The following KIFC2 variants were observed in gnomAD, a reference collection of about 807,000 sequenced individuals.
The protein encoded by KIFC2 is kinesin family member C2.
In KIFC2, 94 loss-of-function variants were observed where a neutral mutation model predicts 91.5. The ratio of observed to expected loss-of-function variants is 1.03; its 90% CI spans 0.87 to 1.22. The LOEUF (loss-of-function observed/expected upper bound fraction) is 1.22, where lower values mean the gene tolerates loss of function less well. Ranked by LOEUF, KIFC2 falls within the 50% of genes most tolerant of loss-of-function variation. The pLI is 0.00. For synonymous variants in KIFC2, 729 were observed against 503.9 expected, an observed-to-expected ratio of 1.45 and a Z score of -5.98; for missense variants, 1,357 against 1,103.3, an observed-to-expected ratio of 1.23 and a Z score of -3.26.
Position 144,467,094 on chromosome 8 carries a change from C to T in KIFC2, c.314C>T (p.Pro105Leu), listed in dbSNP as rs553351396. 2.5e-6 allele frequency: 4 copies of T among 1,599,222 alleles called. No homozygotes were observed. The highest frequency in any genetic ancestry group is 3.4e-6 in the Non-Finnish European group (4 of 1,173,028). Residue 105 changes from proline to leucine, a missense_variant, in exon 3 of 18, where the codon CCG becomes CTG. By Grantham distance (98) the Pro-to-Leu change is moderately conservative. Coordinates refer to ENST00000645548, the MANE Select transcript of KIFC2 (RefSeq NM_001369769.2). The part of the protein sequence containing the change: ...QLGAEESCGG[P>L]ADLGQSGEVP... ...GGGGCGGAAGAGAGCTGCGGGGGCC[C>T]GGCGGACCTGGGCCAGGTGAGCGCG...
chr8:144,468,657 G>T lies in KIFC2; in HGVS notation c.1003+7G>T, dbSNP rs560910604. ...ATGCATGGGCAGCTGGCAGGTAAGG[G>T]TTGGGGTTGGGGCTCATGGGAGGCC... On this transcript the variant is annotated splice_region_variant and intron_variant, in intron 9 of 17. Transcript: ENST00000645548. The T allele has an allele frequency of 6.2e-7, 1 of 1,613,448 alleles. No homozygotes were observed. Among genetic ancestry groups the T allele is most frequent in the South Asian group, 1.1e-5 (1 of 91,056 alleles).
chr8:144,469,777 G>A (rs1824853921), intron 12 of KIFC2, 130 bp downstream of exon 12: 5 of 1,176,216 alleles, frequency 4.3e-6, no homozygotes, highest in Non-Finnish European at 5.8e-6. Context: ...CTCTAGCCAG[G>A]AAGGAAAGGG....
At position 144,467,469 on chromosome 8, in the gene KIFC2, G is replaced by A; in HGVS notation, c.470-16G>A. 6.4e-7 allele frequency: 1 copy of A among 1,551,488 alleles called. No individual in the cohort carries two copies. The highest frequency in any genetic ancestry group is 1.4e-5 in the African/African-American group (1 of 72,706). On this transcript the variant is annotated splice_polypyrimidine_tract_variant and intron_variant, in intron 4 of 17. Transcript: ENST00000645548. The stretch of plus-strand genomic sequence containing the variant: ...TAGAGACCTCTTCAGTGCTAACTGG[G>A]CCCACCCTACTCCAGGATCCACATC...
intron 12 of KIFC2, 68 bp from the exon 13 acceptor site, chr8:144,471,874 C>A: frequency 7.0e-7 from 1 of 1,432,568 alleles, no homozygotes; most frequent in South Asian, 1.2e-5. Context: ...GCACTCCCCA[C>A]CCCACCAAAT....
In KIFC2 at chr8:144,466,418, C is replaced by T. The variant is rs2129957289; in HGVS notation, c.-2C>T. The T allele has an allele frequency of 3.0e-6, 4 of 1,314,618 alleles. No homozygotes were observed. In the East Asian group the frequency reaches 1.1e-4, roughly 35 times the overall value. 81.4% of individuals were successfully genotyped at this position (1,314,618 alleles called of 1,614,324 possible). On this transcript the variant is annotated 5_prime_UTR_variant, in exon 1 of 18. Coordinates refer to ENST00000645548, the MANE Select transcript of KIFC2 (RefSeq NM_001369769.2). ...CGGGGCCCTCTGCCGCCCCGCGCTC[C>T]CATGTACGCCTTTTACTCGTTGCTC...
intron 2 of KIFC2, 53 bp downstream of exon 2, chr8:144,466,891 G>A (rs1393881240): frequency 4.5e-6 from 7 of 1,545,752 alleles, no homozygotes; most frequent in Non-Finnish European, 6.1e-6. Flanking sequence ...GGACCTCCCA[G>A]GGAGGGGCGG....
rs746509177 is a variant in KIFC2 at position 144,468,736 on chromosome 8, C to T, written c.1015C>T (p.Arg339Trp). The T allele has an allele frequency of 2.7e-5, 43 of 1,613,910 alleles. No individual in the cohort carries two copies. The highest frequency in any genetic ancestry group is 3.1e-5 in the Non-Finnish European group (36 of 1,180,006). The change falls in exon 10 of 18, where the codon CGG (arginine) becomes TGG (tryptophan). Residue 339 changes from arginine (R) to tryptophan (W), a missense_variant. Coordinates refer to ENST00000645548, the MANE Select transcript of KIFC2 (RefSeq NM_001369769.2). The stretch of plus-strand genomic sequence containing the variant: ...ACTTCCCTCTCCAGGACTTCGGGCA[C>T]GGATGGCCAGCCTGCGTCAGGGCTG... ...MHGQLAGLRA[R>W]MASLRQGCGD...
chr8:144,471,088 G>A lies in KIFC2; in HGVS notation c.1381-854G>A, dbSNP rs373419538. Among the ~76,000 whole-genome samples the A allele has an allele frequency of 1.4e-4, 21 of 151,812 alleles. No homozygotes were observed. The South Asian group carries it at 4.2e-3, about 30-fold the overall frequency. On this transcript the variant is annotated intron_variant, in intron 12 of 17. Coordinates refer to ENST00000645548, the MANE Select transcript of KIFC2 (RefSeq NM_001369769.2). ...AAGCAATTCTCCTGCTTCAGCCTCC[G>A]AAGTAGCTGGGATTACAGGTGCGTG...
At chr8:144,471,302 C>T (rs115576593) in intron 12 of KIFC2, among the ~76,000 whole-genome samples, 1,777 of 150,456 alleles carry the variant, frequency 0.012, 31 homozygotes, top group African/African-American at 0.036. Flanking sequence ...TTTTTTACTA[C>T]ATATATATGT....
chr8:144,468,772 C>T lies in KIFC2; in HGVS notation c.1051C>T (p.Arg351Ter). ...ASLRQGCGDL[R>*]GLVSTFTQSC... is the part of the protein sequence containing the mutation. ...CCTGCGTCAGGGCTGCGGGGACCTC[C>T]GAGGTTTGGTCAGCACCTTTACCCA... Residue 351 changes from arginine to a stop codon, truncating the protein, a stop_gained, in exon 10 of 18, where the codon CGA becomes TGA. Transcript: ENST00000645548. LOFTEE classifies it high-confidence loss of function. 6 of 1,614,062 alleles carry T rather than the reference C, an allele frequency of 3.7e-6. No individual in the cohort carries two copies. Among genetic ancestry groups the T allele is most frequent in the Non-Finnish European group, 4.2e-6 (5 of 1,180,022 alleles).
intron 11 of KIFC2, 29 bp from the exon 12 acceptor site, chr8:144,469,461 G>A: frequency 6.2e-7 from 1 of 1,613,772 alleles, no homozygotes; most frequent in South Asian, 1.1e-5. Context: ...GGTCTGCGAG[G>A]CATTATGCTG....
Position 144,473,227 on chromosome 8 carries a change from C to A in KIFC2, c.2214C>A (p.Arg738=). Residue 738 remains arginine, a synonymous_variant, in exon 18 of 18, where the codon CGC becomes CGA. Transcript: ENST00000645548. ...TGGAGCTGGGGCCAGCCCGGCGCCG[C>A]AGGGTCCCGCGCTCCTCCGGGACGC... The part of the protein sequence containing the change: ...GQVELGPARR[R]RVPRSSGTPS... 6.3e-7 allele frequency: 1 copy of A among 1,596,998 alleles called. No homozygotes were observed.
At chr8:144,472,766 C>T (rs1277447508) in intron 16 of KIFC2, 29 bp from the exon 17 acceptor site, 4 of 1,591,466 alleles carry the variant, frequency 2.5e-6, no homozygotes, top group Middle Eastern at 1.7e-4. Context: ...CCCGGCCTTC[C>T]CCCATGTCGG....
In KIFC2 at chr8:144,466,805, C is replaced by T. The variant is rs764851098; in HGVS notation, c.145C>T (p.Pro49Ser). 1 of 1,537,610 alleles carries T rather than the reference C, an allele frequency of 6.5e-7. No homozygotes were observed. Among genetic ancestry groups the T allele is most frequent in the Non-Finnish European group, 8.7e-7 (1 of 1,149,110 alleles). ...RGRRRPDLPAPELWTELTGLA... is the reference protein window; with the variant it reads ...RGRRRPDLPASELWTELTGLA... Reference sequence around the variant, plus strand: ...TCGCCGGCGCCCAGACCTGCCCGCGCCAGAGCTGTGGACCGAGCTGACCGG... The same window carrying T: ...TCGCCGGCGCCCAGACCTGCCCGCGTCAGAGCTGTGGACCGAGCTGACCGG... Residue 49 changes from proline (P) to serine (S), a missense_variant, in exon 2 of 18, where the codon CCA becomes TCA. By Grantham distance (74) the Pro-to-Ser change is moderately conservative. Coordinates refer to ENST00000645548, the MANE Select transcript of KIFC2 (RefSeq NM_001369769.2).
At position 144,473,427 on chromosome 8, in the gene KIFC2, G is replaced by C. The variant is rs899526495; in HGVS notation, c.*38G>C. Reference sequence around the variant, plus strand: ...GCCCTGCCCATGGGGTCTCAGGCCAGGTCTCTGCTGGCAGAGGCGGTAGTA... The same window carrying C: ...GCCCTGCCCATGGGGTCTCAGGCCACGTCTCTGCTGGCAGAGGCGGTAGTA... On this transcript the variant is annotated 3_prime_UTR_variant, in exon 18 of 18. Coordinates refer to ENST00000645548, the MANE Select transcript of KIFC2 (RefSeq NM_001369769.2). 10 of 1,551,414 alleles carry C rather than the reference G, an allele frequency of 6.4e-6. No individual in the cohort carries two copies. The Admixed American group carries it at 1.9e-4, about 29-fold the overall frequency.
chr8:144,467,842 G>A lies in KIFC2; in HGVS notation c.682-17G>A, dbSNP rs111520306. 38 of 1,613,356 alleles carry A rather than the reference G, an allele frequency of 2.4e-5. No homozygotes were observed. Among genetic ancestry groups the A allele is most frequent in the Non-Finnish European group, 3.1e-5 (36 of 1,179,862 alleles). ...AGGGGGTGCTTCAGGTGAGTGCCGAGGTTTCCTCTCCACCAGGGGGCGACG... is the reference window on the plus strand; with the variant it reads ...AGGGGGTGCTTCAGGTGAGTGCCGAAGTTTCCTCTCCACCAGGGGGCGACG... On this transcript the variant is annotated splice_polypyrimidine_tract_variant and intron_variant, in intron 6 of 17. Coordinates refer to ENST00000645548, the MANE Select transcript of KIFC2 (RefSeq NM_001369769.2).
chr8:144,468,376 C>T lies in KIFC2; in HGVS notation c.858C>T (p.Ala286=). The stretch of plus-strand genomic sequence containing the variant: ...AGCTCCAGGGCCGGCTTCAGGAGGC[C>T]CAAGACACCACAGAAGCCCTCCGAG... ...LLELQGRLQE[A]QDTTEALRAQ... is the part of the protein sequence containing the mutation. Residue 286 remains alanine (A), a synonymous_variant, in exon 8 of 18, where the codon GCC becomes GCT. Coordinates refer to ENST00000645548, the MANE Select transcript of KIFC2 (RefSeq NM_001369769.2). 1.2e-6 allele frequency: 2 copies of T among 1,613,008 alleles called. No individual in the cohort carries two copies. The highest frequency in any genetic ancestry group is 1.7e-6 in the Non-Finnish European group (2 of 1,179,918).
Position 144,473,339 on chromosome 8 carries a change from G to A in KIFC2, c.2326G>A (p.Asp776Asn), listed in dbSNP as rs1460900789. 1 of 1,596,810 alleles carries A rather than the reference G, an allele frequency of 6.3e-7. No individual in the cohort carries two copies. The highest frequency in any genetic ancestry group is 8.5e-7 in the Non-Finnish European group (1 of 1,173,524). ...SPGSPPCPSP[D>N]NGSGSALAPA... ...TGGCAGTCCTCCATGCCCCAGTCCC[G>A]ACAACGGCTCGGGCTCGGCTCTCGC... The change falls in exon 18 of 18, where the codon GAC (aspartate) becomes AAC (asparagine). Residue 776 changes from aspartate to asparagine, a missense_variant. Physicochemically the swap from Asp to Asn is conservative, Grantham distance 23. Transcript: ENST00000645548.
At chr8:144,469,435 C>G in intron 11 of KIFC2, 55 bp from the exon 12 acceptor site, 1 of 1,612,888 alleles carries the variant, frequency 6.2e-7, no homozygotes. Flanking sequence ...AGAAGTGCAG[C>G]TTCTCTGTGC....
Sources: allele counts gnomAD v4.1 joint callset (sites outside exome capture counted in the v4.1 genomes callset), GRCh38; gene constraint gnomAD v4.1.1; transcripts MANE v1.5; gene names NCBI Gene and HGNC (gene_info 2026-07-23, HGNC 2026-07-21).